Variants in DCDC1 observed in about 807,000 individuals in gnomAD.
The protein encoded by DCDC1 is doublecortin domain containing 1, also known as doublecortin domain-containing protein 1.
Under a neutral mutation model 178.3 loss-of-function variants are expected in DCDC1, and 200 were observed. That is an observed-to-expected ratio of 1.12 (90% CI 1.00 to 1.26). The LOEUF (loss-of-function observed/expected upper bound fraction) is 1.26. Among genes scored for constraint, DCDC1 ranks in the 50% most tolerant of loss-of-function variants. The pLI is 0.00. For missense variants in DCDC1, 1,983 were observed against 1,749.2 expected (o/e 1.13, Z -2.38); for synonymous variants, 690 against 604.8 (o/e 1.14, Z -2.07).
chr11:31,221,592 C>T (rs774507773), intron 9 of DCDC1, among the ~76,000 whole-genome samples: 1 of 152,140 alleles, frequency 6.6e-6, no homozygotes, highest in African/African-American at 2.4e-5. Context: ...GACAGCCTTC[C>T]TTCATTCTGT....
chr11:31,174,427 AG>A (rs1041848980), intron 9 of DCDC1, among the ~76,000 whole-genome samples: 7 of 152,172 alleles, frequency 4.6e-5, no homozygotes, highest in Non-Finnish European at 7.4e-5. Context: ...ATGGAGGCCA[AG>A]GGGGGTGCTG....
At chr11:31,049,074 A>G (rs1255501710) in intron 20 of DCDC1, among the ~76,000 whole-genome samples, 1 of 152,238 alleles carries the variant, frequency 6.6e-6, no homozygotes, top group African/African-American at 2.4e-5. Flanking sequence ...CCTATGTCAT[A>G]GTTTGGTTAA....
intron 9 of DCDC1, among the ~76,000 whole-genome samples, chr11:31,144,833 G>T (rs1964262633): frequency 6.6e-6 from 1 of 151,884 alleles, no homozygotes; most frequent in African/African-American, 2.4e-5. Flanking sequence ...TTGTCACATT[G>T]CAAATATTTT....
intron 9 of DCDC1, among the ~76,000 whole-genome samples, chr11:31,225,002 C>T (rs529570542): frequency 1.3e-5 from 2 of 152,210 alleles, no homozygotes; most frequent in South Asian, 2.1e-4. Context: ...AGCAATCCCA[C>T]TACTAGGAAT....
chr11:31,287,907 T>A lies in DCDC1; in HGVS notation c.960+2740A>T, dbSNP rs559592869. ...TTCAAAAGGGAGCAAGAGGACAGCG[T>A]TTTTTTTTTTTTTATTGTTACATTC... On this transcript the variant is annotated intron_variant, in intron 7 of 38. Transcript: ENST00000684477. Among the ~76,000 whole-genome samples, 3 of 130,508 alleles carry A rather than the reference T, an allele frequency of 2.3e-5. No individual in the cohort carries two copies. In the East Asian group the frequency reaches 6.9e-4, roughly 30 times the overall value. The allele number at this position is 130,508 out of a possible 152,430, so 85.6% of individuals were successfully genotyped here.
chr11:31,313,441 G>A (rs1037078694), intron 3 of DCDC1, among the ~76,000 whole-genome samples: 7 of 152,078 alleles, frequency 4.6e-5, no homozygotes, highest in Non-Finnish European at 8.8e-5. Flanking sequence ...TCTTTCAGGG[G>A]TCCTAGCCTT....
At chr11:30,890,818 A>C (rs1943707491) in intron 36 of DCDC1, among the ~76,000 whole-genome samples, 2 of 152,140 alleles carry the variant, frequency 1.3e-5, no homozygotes, top group Non-Finnish European at 2.9e-5. Flanking sequence ...CTTTATTATT[A>C]TTTCAAAAAG....
At chr11:31,294,537 C>T (rs1195520046) in intron 6 of DCDC1, among the ~76,000 whole-genome samples, 4 of 144,208 alleles carry the variant, frequency 2.8e-5, no homozygotes, top group East Asian at 2.1e-4. Context: ...GAGCCGAGAT[C>T]GTGCCACTGC....
At chr11:31,115,990 G>C (rs868786741) in intron 11 of DCDC1, among the ~76,000 whole-genome samples, 1 of 130,338 alleles carries the variant, frequency 7.7e-6, no homozygotes, top group African/African-American at 2.6e-5. Context: ...GTGGGGGGGG[G>C]GGGGATGGGT....
chr11:31,126,669 T>A (rs551839434), intron 11 of DCDC1, among the ~76,000 whole-genome samples: 1 of 152,312 alleles, frequency 6.6e-6, no homozygotes, highest in African/African-American at 2.4e-5. Flanking sequence ...GTAGTAACCA[T>A]GATTTCTTAA....
At chr11:30,932,640 C>T (rs1467625644) in intron 21 of DCDC1, among the ~76,000 whole-genome samples, 1 of 152,112 alleles carries the variant, frequency 6.6e-6, no homozygotes, top group Non-Finnish European at 1.5e-5. Context: ...TATAGACTGG[C>T]AATTACAATA....
chr11:30,931,933 T>C lies in DCDC1; in HGVS notation c.2735A>G (p.Gln912Arg). The C allele has an allele frequency of 6.2e-7, 1 of 1,608,060 alleles. No homozygotes were observed. The highest frequency in any genetic ancestry group is 8.5e-7 in the Non-Finnish European group (1 of 1,177,620). The change falls in exon 22 of 39, where the codon CAA becomes CGA. Residue 912 changes from glutamine to arginine, a missense_variant. Transcript: ENST00000684477. Reference protein sequence around the residue: ...QLNEEFDWPIQGLLVPSSPPM... With the variant: ...QLNEEFDWPIRGLLVPSSPPM... ...AGGACTGCTCGGAACAAGCAGTCCT[T>C]GTATTGGCCAATCAAACTCCTTCAG...
intron 1 of DCDC1, among the ~76,000 whole-genome samples, chr11:31,345,779 T>C (rs1298711550): frequency 1.3e-5 from 2 of 152,058 alleles, no homozygotes; most frequent in African/African-American, 4.8e-5. Flanking sequence ...GAGAAACAAA[T>C]AGATAATGAA....
rs532423521 is a variant in DCDC1, at chr11:31,227,515, A to G, written c.1221+13935T>C. On this transcript the variant is annotated intron_variant, in intron 9 of 38. Transcript: ENST00000684477. ...TTTCAACATGACACTTGGGGGGAAA[A>G]AAATACTAACTATTTCAGTAGCAAT... Among the ~76,000 whole-genome samples the G allele has an allele frequency of 8.5e-5, 13 of 152,270 alleles. No individual in the cohort carries two copies. In the East Asian group the frequency reaches 2.3e-3, roughly 27 times the overall value.
intron 22 of DCDC1, among the ~76,000 whole-genome samples, chr11:30,930,004 A>G (rs1946831657): frequency 6.6e-6 from 1 of 152,134 alleles, no homozygotes; most frequent in Non-Finnish European, 1.5e-5. Flanking sequence ...GCTAAAGGAC[A>G]GCATGTTACT....
intron 9 of DCDC1, among the ~76,000 whole-genome samples, chr11:31,150,097 T>C (rs1485532476): frequency 1.3e-5 from 2 of 152,200 alleles, no homozygotes; most frequent in Non-Finnish European, 2.9e-5. Context: ...CAGCTATCGT[T>C]TGTTGATTTT....
intron 35 of DCDC1, 105 bp downstream of exon 35, chr11:30,894,143 A>T (rs1944009492): frequency 1.4e-6 from 2 of 1,437,190 alleles, no homozygotes; most frequent in South Asian, 3.0e-5. Context: ...AACTGATCAG[A>T]TGCTGAGAAT....
chr11:30,911,016 C>T (rs922478285), intron 28 of DCDC1, among the ~76,000 whole-genome samples: 9 of 152,160 alleles, frequency 5.9e-5, no homozygotes, highest in East Asian at 5.8e-4. Context: ...CCTGCAGCCA[C>T]CACTGAGACC....
intron 20 of DCDC1, among the ~76,000 whole-genome samples, chr11:30,967,454 CA>C (rs1949503063): frequency 1.3e-5 from 2 of 152,158 alleles, no homozygotes; most frequent in Admixed American, 6.6e-5. Flanking sequence ...GCAACTTCAG[CA>C]AAGTCTCAGG....
Sources: gnomAD v4.1 joint callset for allele counts (sites outside exome capture counted in the v4.1 genomes callset) on GRCh38, gnomAD v4.1.1 for gene constraint, MANE v1.5 for transcripts, NCBI Gene and HGNC (gene_info 2026-07-23, HGNC 2026-07-21) for gene names.